MAGI2: variants seen among roughly 807,000 people sequenced by gnomAD.
The protein encoded by MAGI2 is membrane-associated guanylate kinase, WW and PDZ domain-containing protein 2.
In MAGI2, 35 loss-of-function variants were observed where a neutral mutation model predicts 133.3. The ratio of observed to expected loss-of-function variants is 0.26; its 90% confidence interval spans 0.20 to 0.35. The LOEUF is 0.35. Ranked by LOEUF, MAGI2 falls within the 10% of genes least tolerant of loss-of-function variation. MAGI2 has a pLI of 1.00. For synonymous variants in MAGI2, 729 were observed against 710.6 expected (o/e 1.03, Z -0.41); for missense variants, 1,636 against 1,863.4 (o/e 0.88, Z 2.25).
intron 2 of MAGI2, among the ~76,000 whole-genome samples, chr7:79,006,046 T>A (rs534987171): frequency 6.6e-6 from 1 of 152,274 alleles, no homozygotes; most frequent in East Asian, 1.9e-4. Context: ...GGTGGGTAGG[T>A]CAATAGGGCT....
chr7:78,630,112 C>A (rs1166272326), intron 2 of MAGI2, among the ~76,000 whole-genome samples: 2 of 152,012 alleles, frequency 1.3e-5, no homozygotes, highest in African/African-American at 2.4e-5. Flanking sequence ...TTCTTTTTAT[C>A]CAGAGAAAAA....
At chr7:78,080,882 T>G (rs1815884759) in intron 20 of MAGI2, among the ~76,000 whole-genome samples, 1 of 152,218 alleles carries the variant, frequency 6.6e-6, no homozygotes, top group Admixed American at 6.5e-5. Context: ...CATCTGTCCC[T>G]GTCCTCATAT....
intron 16 of MAGI2, among the ~76,000 whole-genome samples, chr7:78,159,162 C>T (rs781329321): frequency 3.9e-5 from 6 of 152,142 alleles, no homozygotes; most frequent in Admixed American, 2.0e-4. Context: ...CCCGCACAGC[C>T]GGCTCTACGT....
At chr7:78,256,993 G>A (rs1793052783) in intron 9 of MAGI2, among the ~76,000 whole-genome samples, 1 of 152,078 alleles carries the variant, frequency 6.6e-6, no homozygotes, top group South Asian at 2.1e-4. Context: ...GAAAAACAAA[G>A]CCCTAGCATA....
intron 2 of MAGI2, among the ~76,000 whole-genome samples, chr7:78,943,871 A>T (rs1801185934): frequency 6.6e-6 from 1 of 152,088 alleles, no homozygotes; most frequent in Non-Finnish European, 1.5e-5. Flanking sequence ...ACAAATATTA[A>T]CTTGTTATTA....
intron 12 of MAGI2, among the ~76,000 whole-genome samples, chr7:78,194,142 C>T (rs1288460382): frequency 6.6e-6 from 1 of 152,206 alleles, no homozygotes; most frequent in Non-Finnish European, 1.5e-5. Context: ...TACACAGATT[C>T]TTCTGATACT....
intron 10 of MAGI2, chr7:78,253,496 T>C (rs563071486): frequency 3.4e-5 from 5 of 146,582 alleles, no homozygotes; most frequent in Middle Eastern, 3.4e-3. Flanking sequence ...AGTGTTGTGG[T>C]ATGTAAATTA....
At chr7:79,215,648 C>A (rs999227382) in intron 1 of MAGI2, among the ~76,000 whole-genome samples, 26 of 151,944 alleles carry the variant, frequency 1.7e-4, no homozygotes, top group Middle Eastern at 3.2e-3. Flanking sequence ...ACCTCCCTGA[C>A]CCCCTCCCAC....
At chr7:79,240,430 C>T (rs1359856188) in intron 1 of MAGI2, among the ~76,000 whole-genome samples, 1 of 150,674 alleles carries the variant, frequency 6.6e-6, no homozygotes, top group Non-Finnish European at 1.5e-5. Flanking sequence ...CTGTTAGTGA[C>T]AATTTATCCT....
chr7:78,876,913 T>C (rs1442229329), intron 2 of MAGI2, among the ~76,000 whole-genome samples: 1 of 152,266 alleles, frequency 6.6e-6, no homozygotes, highest in Non-Finnish European at 1.5e-5. Context: ...AGTGTGGACT[T>C]ACAGAAATTT....
intron 20 of MAGI2, among the ~76,000 whole-genome samples, chr7:78,085,386 C>G (rs1288243586): frequency 6.6e-6 from 1 of 151,818 alleles, no homozygotes; most frequent in African/African-American, 2.4e-5. Flanking sequence ...AAAACATTTG[C>G]CAGGTGTGGT....
intron 1 of MAGI2, among the ~76,000 whole-genome samples, chr7:79,235,783 C>T (rs982926850): frequency 1.3e-5 from 2 of 152,184 alleles, no homozygotes; most frequent in East Asian, 1.9e-4. Context: ...AGCTGTAGAC[C>T]GGAGCTGTTC....
At chr7:78,724,071 G>A (rs1820528564) in intron 2 of MAGI2, among the ~76,000 whole-genome samples, 1 of 152,112 alleles carries the variant, frequency 6.6e-6, no homozygotes, top group Admixed American at 6.6e-5. Context: ...GTACTGCCAG[G>A]GAAGAAGGCT....
intron 1 of MAGI2, among the ~76,000 whole-genome samples, chr7:79,430,731 C>T (rs1847721661): frequency 6.6e-6 from 1 of 152,140 alleles, no homozygotes; most frequent in Non-Finnish European, 1.5e-5. Context: ...ATTACATGTG[C>T]ATAGAATATC....
intron 1 of MAGI2, among the ~76,000 whole-genome samples, chr7:79,420,082 C>A (rs1156776963): frequency 1.3e-5 from 2 of 152,010 alleles, no homozygotes; most frequent in African/African-American, 4.8e-5. Flanking sequence ...ACCATCTAAC[C>A]TAATTTTAGA....
At chr7:79,148,607 C>A (rs953396229) in intron 1 of MAGI2, among the ~76,000 whole-genome samples, 2 of 151,904 alleles carry the variant, frequency 1.3e-5, no homozygotes, top group Admixed American at 6.6e-5. Context: ...TCCTTTGTCC[C>A]ATTTTTTGTC....
chr7:78,573,310 A>ATT (rs1801875666), intron 3 of MAGI2, among the ~76,000 whole-genome samples: 1 of 51,208 alleles, frequency 2.0e-5, no homozygotes, highest in Non-Finnish European at 3.7e-5. Context: ...ATTTATATAT[A>ATT]TAAATATATA....
chr7:78,135,145 T>C lies in MAGI2; in HGVS notation c.2907A>G (p.Leu969=), dbSNP rs766306507. The C allele has an allele frequency of 1.2e-6, 2 of 1,614,196 alleles. No homozygotes were observed. Among genetic ancestry groups the C allele is most frequent in the Non-Finnish European group, 1.7e-6 (2 of 1,180,036 alleles). The part of the protein sequence containing the change: ...DGSPADRCAK[L]KVGDRILAVN... Reference sequence around the variant, plus strand: ...CTGCTAGGATCCGGTCTCCCACTTTTAGTTTTGCACAGCGATCTGCAGGAC... The same window carrying C: ...CTGCTAGGATCCGGTCTCCCACTTTCAGTTTTGCACAGCGATCTGCAGGAC... Residue 969 remains leucine, a synonymous_variant, in exon 17 of 22, where the codon CTA becomes CTG. Coordinates refer to ENST00000354212, the MANE Select transcript of MAGI2 (RefSeq NM_012301.4).
chr7:78,589,589 G>A (rs1425052793), intron 3 of MAGI2, among the ~76,000 whole-genome samples: 2 of 152,126 alleles, frequency 1.3e-5, no homozygotes, highest in Non-Finnish European at 2.9e-5. Context: ...GTGAGTGAGA[G>A]GTGTGGCAGG....
Sources: allele counts gnomAD v4.1 joint callset (sites outside exome capture counted in the v4.1 genomes callset), GRCh38; gene constraint gnomAD v4.1.1; transcripts MANE v1.5; gene names NCBI Gene and HGNC (gene_info 2026-07-23, HGNC 2026-07-21).